The following CAMSAP2 variants were observed in gnomAD, a reference collection of about 807,000 sequenced individuals.
The protein encoded by CAMSAP2 is calmodulin regulated spectrin associated protein family member 2.
In CAMSAP2, 26 loss-of-function variants were observed where a neutral mutation model predicts 146.1. The ratio of observed to expected loss-of-function variants is 0.18; its 90% CI spans 0.13 to 0.25. The LOEUF (loss-of-function observed/expected upper bound fraction) is 0.25. Among genes scored for constraint, CAMSAP2 ranks in the 10% least tolerant of loss-of-function variants. The pLI, the probability that CAMSAP2 is intolerant of heterozygous loss-of-function variation, is 1.00. For synonymous variants in CAMSAP2, 499 were observed against 596.6 expected, an observed-to-expected ratio of 0.84 and a Z score of 2.38; for missense variants, 1,381 against 1,759.3, an observed-to-expected ratio of 0.78 and a Z score of 3.85.
At chr1:200,771,818 C>G (rs1415286535) in intron 2 of CAMSAP2, among the ~76,000 whole-genome samples, 2 of 152,138 alleles carry the variant, frequency 1.3e-5, no homozygotes, top group South Asian at 2.1e-4. Flanking sequence ...TCTGTGAGCT[C>G]CTGCTGCTGA....
At chr1:200,797,933 T>C (rs2103038116) in intron 2 of CAMSAP2, among the ~76,000 whole-genome samples, 1 of 152,232 alleles carries the variant, frequency 6.6e-6, no homozygotes, top group East Asian at 1.9e-4. Flanking sequence ...TAGGGAATCC[T>C]TTCCCCATTG....
chr1:200,800,492 C>CT (rs61364544), intron 2 of CAMSAP2, among the ~76,000 whole-genome samples: 6 of 150,746 alleles, frequency 4.0e-5, no homozygotes, highest in Admixed American at 6.6e-5. Flanking sequence ...GCAACCCTTG[C>CT]TTTTTTTTTG....
intron 4 of CAMSAP2, among the ~76,000 whole-genome samples, chr1:200,816,948 G>A (rs1416624773): frequency 3.0e-5 from 2 of 66,198 alleles, no homozygotes; most frequent in African/African-American, 1.3e-4. Context: ...GTGTATGTGT[G>A]TACACACACA....
rs917499849 is a variant in CAMSAP2, at chr1:200,738,988, AG to A, written c.-834del. Among the ~76,000 whole-genome samples the A allele has an allele frequency of 4.6e-5, 7 of 150,732 alleles. No individual in the cohort carries two copies. The highest frequency in any genetic ancestry group is 7.3e-5 in the African/African-American group (3 of 40,880). ...GGGAACGATCCAGCGAGCTGCAGAA[AG>A]GGGGGCAGGAAAAAATTACAAGGAC... is the stretch of plus-strand genomic sequence containing the variant. On this transcript the variant is annotated 5_prime_UTR_variant, in exon 1 of 17. Coordinates refer to ENST00000358823, the MANE Select transcript of CAMSAP2 (RefSeq NM_203459.4).
intron 4 of CAMSAP2, among the ~76,000 whole-genome samples, chr1:200,816,686 G>A (rs1268221102): frequency 7.2e-6 from 1 of 138,556 alleles, no homozygotes; most frequent in South Asian, 2.3e-4. Context: ...GTGTGTATAT[G>A]TACATGCACA....
chr1:200,763,273 T>C (rs191401412), intron 2 of CAMSAP2, among the ~76,000 whole-genome samples: 427 of 152,318 alleles, frequency 2.8e-3, no homozygotes, highest in African/African-American at 9.5e-3. Context: ...GTGTGGTAGC[T>C]CACGCCTGTA....
At chr1:200,744,872 A>G in intron 1 of CAMSAP2, among the ~76,000 whole-genome samples, 1 of 152,268 alleles carries the variant, frequency 6.6e-6, no homozygotes, top group South Asian at 2.1e-4. Context: ...TATGTAATGA[A>G]GCAGTGAGAG....
intron 4 of CAMSAP2, among the ~76,000 whole-genome samples, chr1:200,821,639 G>A (rs1332587861): frequency 6.6e-6 from 1 of 152,230 alleles, no homozygotes; most frequent in African/African-American, 2.4e-5. Flanking sequence ...GGGATTACAG[G>A]CGTAAGCCAC....
At chr1:200,751,759 A>G (rs1664513428) in intron 1 of CAMSAP2, among the ~76,000 whole-genome samples, 1 of 152,130 alleles carries the variant, frequency 6.6e-6, no homozygotes. Context: ...GTCACGCAAG[A>G]GGTATGGGAC....
intron 2 of CAMSAP2, among the ~76,000 whole-genome samples, chr1:200,762,269 T>C (rs1340643865): frequency 6.6e-6 from 1 of 152,156 alleles, no homozygotes; most frequent in East Asian, 1.9e-4. Context: ...AATGTATTGA[T>C]TAGTTAATGG....
chr1:200,785,222 T>G (rs1335631365), intron 2 of CAMSAP2, among the ~76,000 whole-genome samples: 1 of 152,182 alleles, frequency 6.6e-6, no homozygotes, highest in Non-Finnish European at 1.5e-5. Context: ...TTTCTTTGTC[T>G]TGTGTTAGCA....
chr1:200,853,127 C>A lies in CAMSAP2; in HGVS notation c.3603-148C>A. Reference sequence around the variant, plus strand: ...ATTTATGCTTAATCCCATGTCTCAGCAGAATCGTCAAGTACCTTTTAAATG... The same window carrying A: ...ATTTATGCTTAATCCCATGTCTCAGAAGAATCGTCAAGTACCTTTTAAATG... On this transcript the variant is annotated intron_variant, in intron 12 of 16. Coordinates refer to ENST00000358823, the MANE Select transcript of CAMSAP2 (RefSeq NM_203459.4). The surrounding 1 kb of genome is among the most constrained non-coding windows in gnomAD (Gnocchi z 5.1). 1 of 665,862 alleles carries A rather than the reference C, an allele frequency of 1.5e-6. No homozygotes were observed. Among genetic ancestry groups the A allele is most frequent in the South Asian group, 2.1e-5 (1 of 48,670 alleles). 41.2% of individuals were successfully genotyped at this position (665,862 alleles called of 1,614,324 possible). A position where few individuals can be genotyped will look rare whatever the true frequency, so the allele number is the denominator to read the frequency against.
At chr1:200,842,180 C>T (rs1414168927) in intron 7 of CAMSAP2, 93 bp downstream of exon 7, 2 of 924,574 alleles carry the variant, frequency 2.2e-6, no homozygotes, top group East Asian at 5.1e-5. Flanking sequence ...AGAAATCAGC[C>T]TATTATTTTT....
At chr1:200,852,105 C>A (rs1667634374) in intron 11 of CAMSAP2, among the ~76,000 whole-genome samples, 1 of 152,158 alleles carries the variant, frequency 6.6e-6, no homozygotes, top group Non-Finnish European at 1.5e-5. Flanking sequence ...GCAATAGTTT[C>A]ATTTATGTGC....
At chr1:200,748,905 C>T (rs1664420451) in intron 1 of CAMSAP2, among the ~76,000 whole-genome samples, 1 of 151,804 alleles carries the variant, frequency 6.6e-6, no homozygotes, top group Admixed American at 6.6e-5. Flanking sequence ...ATTTGGTTAC[C>T]CTGAGTGCTG....
intron 1 of CAMSAP2, among the ~76,000 whole-genome samples, chr1:200,755,652 T>C (rs1223800515): frequency 6.6e-6 from 1 of 152,200 alleles, no homozygotes; most frequent in Non-Finnish European, 1.5e-5. Context: ...TGGTACCTTC[T>C]TGGAAGGCAA....
At chr1:200,842,984 A>G (rs1342481697) in intron 7 of CAMSAP2, among the ~76,000 whole-genome samples, 2 of 151,780 alleles carry the variant, frequency 1.3e-5, no homozygotes, top group Non-Finnish European at 2.9e-5. Context: ...TCAAAAAAAA[A>G]AGAAAAAAAA....
chr1:200,739,672 C>T lies in CAMSAP2; in HGVS notation c.-156C>T, dbSNP rs1373305773. On this transcript the variant is annotated 5_prime_UTR_variant, in exon 1 of 17. Coordinates refer to ENST00000358823, the MANE Select transcript of CAMSAP2 (RefSeq NM_203459.4). This position sits in a 1 kb window ranked among gnomAD's most constrained non-coding sequence, Gnocchi z 4.8. The stretch of plus-strand genomic sequence containing the variant: ...CGCGGGAGGCGGCAGGCGCGCGGCG[C>T]GGACAGCTGAGCTTCTCCTCCGTCG... 6 of 571,126 alleles carry T rather than the reference C, an allele frequency of 1.1e-5. No homozygotes were observed. In the East Asian group the frequency reaches 2.3e-4, roughly 21 times the overall value. 35.4% of individuals were successfully genotyped at this position (571,126 alleles called of 1,614,324 possible).
At chr1:200,801,320 A>G (rs1241920870) in intron 2 of CAMSAP2, among the ~76,000 whole-genome samples, 4 of 150,926 alleles carry the variant, frequency 2.7e-5, no homozygotes, top group Non-Finnish European at 2.9e-5. Flanking sequence ...TCTGGCTTGT[A>G]GGGTTTCCAC....
Sources: allele counts gnomAD v4.1 joint callset (sites outside exome capture counted in the v4.1 genomes callset), GRCh38; gene constraint gnomAD v4.1.1; non-coding constraint Gnocchi (gnomAD v3.1); transcripts MANE v1.5; gene names NCBI Gene and HGNC (gene_info 2026-07-23, HGNC 2026-07-21).